Variants in ZSCAN4 observed in about 807,000 individuals in gnomAD.
ZSCAN4 encodes zinc finger and SCAN domain-containing protein 4.
A neutral mutation model predicts 18.3 loss-of-function variants in ZSCAN4; 18 were observed. That is an observed-to-expected ratio of 0.98 (90% CI 0.68 to 1.46). The LOEUF (loss-of-function observed/expected upper bound fraction) is 1.46, where lower values mean the gene tolerates loss of function less well. Among genes scored for constraint, ZSCAN4 ranks in the 40% most tolerant of loss-of-function variants. ZSCAN4 has a pLI of 0.00. For missense variants in ZSCAN4, 498 were observed against 511.4 expected (o/e 0.97, Z 0.25); for synonymous variants, 193 against 180.3 (o/e 1.07, Z -0.57).
chr19:57,679,097 AAAGTGG>A, exon 5 of ZSCAN4: 1 of 477,086 alleles, frequency 2.1e-6, no homozygotes, highest in Non-Finnish European at 3.3e-6. Context: ...AGTGGTTGGG[AAAGTGG>A]AACATTTCCA....
intron 2 of ZSCAN4, among the ~76,000 whole-genome samples, chr19:57,673,315 C>T (rs1984080179): frequency 6.6e-6 from 1 of 152,078 alleles, no homozygotes; most frequent in Non-Finnish European, 1.5e-5. Context: ...GCGCGAGTCA[C>T]CGTGCCCGGC....
intron 2 of ZSCAN4, among the ~76,000 whole-genome samples, chr19:57,671,078 T>A (rs1174707768): frequency 6.6e-6 from 1 of 152,082 alleles, no homozygotes; most frequent in Non-Finnish European, 1.5e-5. Context: ...CCCAGTGTGG[T>A]CTCAAACTCC....
At chr19:57,658,042 A>G in the ZSCAN4 span, among the ~76,000 whole-genome samples, 1 of 152,228 alleles carries the variant, frequency 6.6e-6, no homozygotes, top group Non-Finnish European at 1.5e-5. Flanking sequence ...TAGAAAGCCA[A>G]CTGATTTTGC....
chr19:57,652,331 C>G, the ZSCAN4 span, among the ~76,000 whole-genome samples: 2 of 152,166 alleles, frequency 1.3e-5, no homozygotes, highest in Non-Finnish European at 1.5e-5. Flanking sequence ...CTTCCAAATT[C>G]AACGTGATCT....
chr19:57,658,053 G>A, the ZSCAN4 span, among the ~76,000 whole-genome samples: 18 of 152,090 alleles, frequency 1.2e-4, no homozygotes, highest in East Asian at 3.8e-4. Context: ...CTGATTTTGC[G>A]TGTTATCAAC....
At chr19:57,669,100 G>T (rs552090443) in exon 1 of ZSCAN4, 7 of 131,320 alleles carry the variant, frequency 5.3e-5, no homozygotes, top group Non-Finnish European at 9.2e-5. Flanking sequence ...TCGCTCTGTC[G>T]TCCAGGCTGG....
chr19:57,657,359 T>C, the ZSCAN4 span, among the ~76,000 whole-genome samples: 1 of 150,878 alleles, frequency 6.6e-6, no homozygotes, highest in African/African-American at 2.4e-5. Context: ...GAATGGTATA[T>C]AAATGCATGA....
At chr19:57,662,859 C>T in the ZSCAN4 span, among the ~76,000 whole-genome samples, 1 of 151,880 alleles carries the variant, frequency 6.6e-6, no homozygotes, top group Non-Finnish European at 1.5e-5. Flanking sequence ...TACACCCAGC[C>T]TAAGACTATT....
chr19:57,673,465 G>T (rs1036060671), intron 2 of ZSCAN4, among the ~76,000 whole-genome samples: 24 of 152,010 alleles, frequency 1.6e-4, no homozygotes, highest in African/African-American at 5.6e-4. Flanking sequence ...ACCAAGTCTC[G>T]AAAAGAAAAT....
At chr19:57,666,291 G>A (rs1329982551), upstream of ZSCAN4, among the ~76,000 whole-genome samples, 1 of 152,056 alleles carries the variant, frequency 6.6e-6, no homozygotes, top group African/African-American at 2.4e-5. Flanking sequence ...CAGCTTGCTT[G>A]TATGACTGGA....
At chr19:57,658,421 T>C in the ZSCAN4 span, among the ~76,000 whole-genome samples, 1 of 152,202 alleles carries the variant, frequency 6.6e-6, no homozygotes. Flanking sequence ...TGTTTATATT[T>C]GTCAGCACTC....
At chr19:57,676,041 C>A in exon 3 of ZSCAN4, 1 of 1,130,192 alleles carries the variant, frequency 8.8e-7, no homozygotes. Context: ...CTATTTCTAG[C>A]TTGCAGTTTT....
the ZSCAN4 span, among the ~76,000 whole-genome samples, chr19:57,654,848 C>T: frequency 1.3e-5 from 2 of 152,172 alleles, no homozygotes; most frequent in South Asian, 4.1e-4. Flanking sequence ...GACTATATTC[C>T]CACAGGGGGG....
At chr19:57,652,596 C>A in the ZSCAN4 span, among the ~76,000 whole-genome samples, 2 of 152,064 alleles carry the variant, frequency 1.3e-5, no homozygotes, top group African/African-American at 4.8e-5. Flanking sequence ...GTTCCATCTC[C>A]CCCTCTGGCT....
At chr19:57,669,263 G>T (rs938227111) in intron 1 of ZSCAN4, 60 bp downstream of exon 1, 3 of 151,976 alleles carry the variant, frequency 2.0e-5, no homozygotes, top group African/African-American at 7.2e-5. Flanking sequence ...GTTTAACCAT[G>T]TTGGTCAGGC....
chr19:57,653,545 A>G, the ZSCAN4 span, among the ~76,000 whole-genome samples: 3 of 152,178 alleles, frequency 2.0e-5, no homozygotes, highest in Non-Finnish European at 2.9e-5. Flanking sequence ...TGATATTCAG[A>G]AAAAAACTCC....
the ZSCAN4 span, among the ~76,000 whole-genome samples, chr19:57,656,066 A>T: frequency 2.0e-5 from 3 of 152,294 alleles, no homozygotes; most frequent in Admixed American, 6.5e-5. Context: ...CCCAAGCCTT[A>T]ATCTCACAGG....
intron 3 of ZSCAN4, among the ~76,000 whole-genome samples, chr19:57,677,447 TTTG>T (rs1984220710): frequency 6.6e-6 from 1 of 152,144 alleles, no homozygotes; most frequent in African/African-American, 2.4e-5. Flanking sequence ...TATTGATAAC[TTTG>T]TTGTTTAAAG....
At chr19:57,662,491 T>C in the ZSCAN4 span, among the ~76,000 whole-genome samples, 1 of 152,224 alleles carries the variant, frequency 6.6e-6, no homozygotes, top group Admixed American at 6.5e-5. Context: ...GTTTACATAT[T>C]AATGGCTTAC....
Sources: gnomAD v4.1 joint callset for allele counts (sites outside exome capture counted in the v4.1 genomes callset) on GRCh38, gnomAD v4.1.1 for gene constraint, MANE v1.5 for transcripts, NCBI Gene and HGNC (gene_info 2026-07-23, HGNC 2026-07-21) for gene names.